The following MAP4K4 variants were observed in gnomAD, a reference collection of about 807,000 sequenced individuals.
The protein encoded by MAP4K4 is mitogen-activated protein kinase kinase kinase kinase 4.
Under a neutral mutation model 189.6 loss-of-function variants are expected in MAP4K4, and 38 were observed. That is an observed-to-expected ratio of 0.20 (90% CI 0.15 to 0.26). MAP4K4 has a LOEUF of 0.26. Ranked by LOEUF, MAP4K4 falls within the 10% of genes least tolerant of loss-of-function variation. MAP4K4 has a pLI of 1.00. For missense variants in MAP4K4, 1,054 were observed against 1,726.9 expected (o/e 0.61, Z 6.91); for synonymous variants, 610 against 624.3 (o/e 0.98, Z 0.34).
At chr2:101,731,820 G>T (rs2058642903) in intron 2 of MAP4K4, among the ~76,000 whole-genome samples, 1 of 151,832 alleles carries the variant, frequency 6.6e-6, no homozygotes, top group African/African-American at 2.4e-5. Context: ...AAATAAACCA[G>T]AATAATGCAC....
chr2:101,729,666 C>G (rs897464667), intron 2 of MAP4K4, among the ~76,000 whole-genome samples: 22 of 152,034 alleles, frequency 1.4e-4, no homozygotes, highest in Non-Finnish European at 2.5e-4. Context: ...TTGTTTTGTT[C>G]TGGTTTGGCT....
At chr2:101,779,615 T>C (rs778252019) in intron 2 of MAP4K4, among the ~76,000 whole-genome samples, 2 of 151,078 alleles carry the variant, frequency 1.3e-5, no homozygotes, top group Non-Finnish European at 2.9e-5. Flanking sequence ...AGACAAGAGC[T>C]CTTTCTATCT....
At chr2:101,840,066 C>T (rs2096870327) in intron 10 of MAP4K4, 72 bp downstream of exon 10, 1 of 1,427,182 alleles carries the variant, frequency 7.0e-7, no homozygotes, top group Non-Finnish European at 9.4e-7. Context: ...GAGTAGGTCC[C>T]TCCCTTCCCA....
intron 3 of MAP4K4, among the ~76,000 whole-genome samples, chr2:101,812,852 G>A (rs1384529874): frequency 6.6e-6 from 1 of 152,202 alleles, no homozygotes; most frequent in Non-Finnish European, 1.5e-5. Flanking sequence ...CGTTGGCCAG[G>A]CGTGGTGGCT....
intron 2 of MAP4K4, among the ~76,000 whole-genome samples, chr2:101,780,313 C>G (rs1263943318): frequency 1.3e-5 from 2 of 152,098 alleles, no homozygotes; most frequent in African/African-American, 2.4e-5. Context: ...ATTTTTTTCT[C>G]TAAGCCAATG....
intron 27 of MAP4K4, among the ~76,000 whole-genome samples, chr2:101,877,660 G>A (rs113627633): frequency 6.6e-6 from 1 of 150,978 alleles, no homozygotes; most frequent in African/African-American, 2.4e-5. Context: ...ACTTGCAAAA[G>A]GAAGTATTCT....
intron 16 of MAP4K4, among the ~76,000 whole-genome samples, chr2:101,862,399 G>T (rs112556383): frequency 6.6e-6 from 1 of 151,892 alleles, no homozygotes; most frequent in Admixed American, 6.6e-5. Flanking sequence ...AAGGAAAGAG[G>T]AAAGCAGGAG....
chr2:101,867,450 C>T, intron 20 of MAP4K4, 141 bp downstream of exon 20: 3 of 627,860 alleles, frequency 4.8e-6, no homozygotes, highest in South Asian at 2.0e-5. Context: ...TGACCTAAAC[C>T]CCAGACATAC....
chr2:101,870,919 T>G (rs2097988394), intron 23 of MAP4K4, among the ~76,000 whole-genome samples: 1 of 152,200 alleles, frequency 6.6e-6, no homozygotes, highest in Admixed American at 6.5e-5. Flanking sequence ...AAAATGTTAG[T>G]TTTCTCACTT....
intron 2 of MAP4K4, among the ~76,000 whole-genome samples, chr2:101,714,244 A>G (rs991688767): frequency 1.3e-5 from 2 of 152,252 alleles, no homozygotes; most frequent in African/African-American, 4.8e-5. Flanking sequence ...AAATGTTAGT[A>G]AAAGAGGAAC....
At position 101,891,234 on chromosome 2, in the gene MAP4K4, T is replaced by C. The variant is rs768040051; in HGVS notation, c.4140T>C (p.Ser1380=). 7 of 1,613,758 alleles carry C rather than the reference T, an allele frequency of 4.3e-6. No homozygotes were observed. In the South Asian group the frequency reaches 5.5e-5, roughly 13 times the overall value. The change falls in exon 33 of 33, where the codon TCT becomes TCC. Residue 1380 remains serine (S), a synonymous_variant. Coordinates refer to ENST00000324219, the Ensembl canonical transcript of MAP4K4. ...ATTTCATGACCTTAGGCAGGACTTC[T>C]CTTCTGAGCTGGTAGAAGCAGTGTG...
At chr2:101,855,578 T>C (rs73943800) in intron 12 of MAP4K4, among the ~76,000 whole-genome samples, 1,758 of 152,286 alleles carry the variant, frequency 0.012, 38 homozygotes, top group African/African-American at 0.04. Flanking sequence ...AAATTCTTTG[T>C]CTGTCTTTGC....
chr2:101,828,007 G>A (rs1266218217), intron 5 of MAP4K4, among the ~76,000 whole-genome samples: 1 of 152,104 alleles, frequency 6.6e-6, no homozygotes, highest in East Asian at 1.9e-4. Flanking sequence ...TACACTCCCA[G>A]GTACTTCATG....
chr2:101,739,291 C>T (rs1357096702), intron 2 of MAP4K4, among the ~76,000 whole-genome samples: 1 of 152,162 alleles, frequency 6.6e-6, no homozygotes, highest in Admixed American at 6.5e-5. Context: ...CTTCAGGTTA[C>T]AGCATGGATG....
intron 12 of MAP4K4, among the ~76,000 whole-genome samples, chr2:101,850,870 C>G (rs745486141): frequency 6.6e-6 from 1 of 151,968 alleles, no homozygotes; most frequent in African/African-American, 2.4e-5. Context: ...GAATAGTTCT[C>G]CACTGTAGCT....
intron 2 of MAP4K4, among the ~76,000 whole-genome samples, chr2:101,746,845 T>C (rs896491373): frequency 2.6e-5 from 4 of 152,196 alleles, no homozygotes; most frequent in African/African-American, 7.2e-5. Flanking sequence ...ACAAGTTCTT[T>C]ATAGAAACCT....
At chr2:101,805,922 A>C (rs1343605666) in intron 3 of MAP4K4, among the ~76,000 whole-genome samples, 1 of 152,052 alleles carries the variant, frequency 6.6e-6, no homozygotes, top group East Asian at 1.9e-4. Flanking sequence ...CTACTTTCCT[A>C]CCGACTTTGC....
chr2:101,711,321 A>G (rs930931673), intron 2 of MAP4K4, among the ~76,000 whole-genome samples: 3 of 151,478 alleles, frequency 2.0e-5, no homozygotes, highest in African/African-American at 7.3e-5. Flanking sequence ...TTTTTTTTTT[A>G]AGACAGAGCT....
At chr2:101,750,560 A>G (rs146434118) in intron 2 of MAP4K4, among the ~76,000 whole-genome samples, 2,293 of 150,730 alleles carry the variant, frequency 0.015, 68 homozygotes, top group African/African-American at 0.053. Context: ...ACCTAATGCT[A>G]GATGACGAGT....
Sources: gnomAD v4.1 joint callset for allele counts (sites outside exome capture counted in the v4.1 genomes callset) on GRCh38, gnomAD v4.1.1 for gene constraint, MANE v1.5 for transcripts, NCBI Gene and HGNC (gene_info 2026-07-23, HGNC 2026-07-21) for gene names.